Variants in KIF1B observed in about 807,000 individuals in gnomAD.
KIF1B encodes the protein kinesin-like protein KIF1B.
A neutral mutation model predicts 241.9 loss-of-function variants in KIF1B; 76 were observed. That is an observed-to-expected ratio of 0.31 (90% confidence interval 0.26 to 0.38). The LOEUF is 0.38. Among genes scored for constraint, KIF1B ranks in the 10% least tolerant of loss-of-function variants. The pLI is 1.00. For missense variants in KIF1B, 1,622 were observed against 2,271.4 expected, an observed-to-expected ratio of 0.71 and a Z score of 5.81; for synonymous variants, 750 against 796.7, an observed-to-expected ratio of 0.94 and a Z score of 0.99.
Position 10,374,247 on chromosome 1 carries a change from T to C in KIF1B, c.4947-69T>C. On this transcript the variant is annotated intron_variant, in intron 45 of 48. Coordinates refer to ENST00000676179, the MANE Select transcript of KIF1B (RefSeq NM_001365951.3). This position sits in a 1 kb window ranked among gnomAD's most constrained non-coding sequence, Gnocchi z 4.3. ...CATTGTGTTCCTCCCAGTGAAACAGTACTCAGTATGCCTTGATTGTAACTG... is the reference window on the plus strand; with the variant it reads ...CATTGTGTTCCTCCCAGTGAAACAGCACTCAGTATGCCTTGATTGTAACTG... 6.6e-7 allele frequency: 1 copy of C among 1,510,662 alleles called. No homozygotes were observed. The highest frequency in any genetic ancestry group is 2.3e-5 in the East Asian group (1 of 44,380). 93.6% of individuals were successfully genotyped at this position (1,510,662 alleles called of 1,614,324 possible). A position where few individuals can be genotyped will look rare whatever the true frequency, so the allele number is the denominator to read the frequency against.
Position 10,334,635 on chromosome 1 carries a change from G to T in KIF1B, c.3040G>T (p.Ala1014Ser), listed in dbSNP as rs772779601. The T allele has an allele frequency of 4.3e-6, 7 of 1,609,914 alleles. No individual in the cohort carries two copies. The highest frequency in any genetic ancestry group is 6.0e-6 in the Non-Finnish European group (7 of 1,176,404). ...TCTGCGTGTGGCTGTACAGGCCATC[G>T]CAGGTAGGTGACCCTCTTCTGAAAT... The part of the protein sequence containing the change: ...GFLRVAVQAI[A>S]ADEEAPDYGS... Residue 1014 changes from alanine to serine, a missense_variant, in exon 28 of 49, where the codon GCA becomes TCA. Physicochemically the swap from Ala to Ser is moderately conservative, Grantham distance 99 (BLOSUM62 1). This residue lies in a region of KIF1B where 803 missense variants were observed against 1,112.0 expected (regional missense o/e 0.72). Transcript: ENST00000676179.
intron 22 of KIF1B, among the ~76,000 whole-genome samples, chr1:10,299,996 G>A (rs1650457897): frequency 6.6e-6 from 1 of 152,032 alleles, no homozygotes; most frequent in Non-Finnish European, 1.5e-5. Context: ...CAGCACTTTG[G>A]GAGGCCAGGG....
intron 10 of KIF1B, among the ~76,000 whole-genome samples, chr1:10,275,158 A>G (rs1649031472): frequency 6.6e-6 from 1 of 152,224 alleles, no homozygotes; most frequent in African/African-American, 2.4e-5. Context: ...TAATGGTTGA[A>G]GCTGCACGTT....
At chr1:10,260,177 A>C (rs1344365237) in intron 4 of KIF1B, among the ~76,000 whole-genome samples, 5 of 152,212 alleles carry the variant, frequency 3.3e-5, no homozygotes, top group Non-Finnish European at 4.4e-5. Flanking sequence ...CCAAGGCTAT[A>C]AACTTGTGTA....
intron 2 of KIF1B, among the ~76,000 whole-genome samples, chr1:10,253,296 G>A (rs1344348784): frequency 6.6e-6 from 1 of 152,090 alleles, no homozygotes; most frequent in African/African-American, 2.4e-5. Flanking sequence ...TTATCTATCT[G>A]TAAAATGGGG....
rs551460889 is a variant in KIF1B at position 10,288,665 on chromosome 1, C to G, written c.1435-2417C>G. ...CAGGTTCCTTCTTTAATCTGTTTTG[C>G]TCTTTGCCTACCTTTGCTGGTTGTT... On this transcript the variant is annotated intron_variant, in intron 15 of 48. Coordinates refer to ENST00000676179, the MANE Select transcript of KIF1B (RefSeq NM_001365951.3). Among the ~76,000 whole-genome samples the G allele has an allele frequency of 3.3e-5, 5 of 152,068 alleles. No homozygotes were observed. In the East Asian group the frequency reaches 9.6e-4, roughly 29 times the overall value.
chr1:10,344,565 A>T (rs1652521140), intron 34 of KIF1B, among the ~76,000 whole-genome samples: 1 of 151,958 alleles, frequency 6.6e-6, no homozygotes, highest in African/African-American at 2.4e-5. Flanking sequence ...AATTTTGAAG[A>T]TTTTACTAGT....
At chr1:10,211,141 G>T (rs1243281365) in intron 1 of KIF1B, among the ~76,000 whole-genome samples, 2 of 152,184 alleles carry the variant, frequency 1.3e-5, no homozygotes, top group Non-Finnish European at 2.9e-5. Context: ...CGCGCTGCCA[G>T]GCCCCGGCTG....
chr1:10,364,353 C>T (rs2102348827), intron 41 of KIF1B, among the ~76,000 whole-genome samples: 1 of 151,896 alleles, frequency 6.6e-6, no homozygotes, highest in South Asian at 2.1e-4. Flanking sequence ...TGCAAGCACC[C>T]ACCACCATGC....
intron 1 of KIF1B, among the ~76,000 whole-genome samples, chr1:10,230,582 T>C (rs7524908): frequency 0.61 from 92,180 of 151,662 alleles, 30,229 homozygotes; most frequent in African/African-American, 0.87. Flanking sequence ...ATTACAGGTG[T>C]GTGCCACCAC....
At chr1:10,348,777 A>AG in intron 37 of KIF1B, 44 bp downstream of exon 37, 2 of 1,489,810 alleles carry the variant, frequency 1.3e-6, no homozygotes, top group Non-Finnish European at 1.9e-6. Context: ...GGACTTACAG[A>AG]GATTTTTTTT....
At chr1:10,361,633 A>G in intron 39 of KIF1B, 59 bp from the exon 40 acceptor site, 1 of 1,605,004 alleles carries the variant, frequency 6.2e-7, no homozygotes, top group Non-Finnish European at 8.5e-7. Flanking sequence ...GTTCGTGTAT[A>G]GACTCTAGTC....
intron 1 of KIF1B, among the ~76,000 whole-genome samples, chr1:10,224,015 C>T (rs1646879461): frequency 6.6e-6 from 1 of 152,192 alleles, no homozygotes; most frequent in Admixed American, 6.6e-5. Flanking sequence ...GTTGCCTAGG[C>T]TGGTCTTGAA....
In KIF1B at chr1:10,210,620, C is replaced by T. The variant is rs893452630; in HGVS notation, c.-338C>T. 7.9e-5 allele frequency among the ~76,000 whole-genome samples: 12 copies of T among 151,620 alleles called. No individual in the cohort carries two copies. The highest frequency in any genetic ancestry group is 1.8e-4 in the Non-Finnish European group (12 of 67,810). On this transcript the variant is annotated 5_prime_UTR_variant, in exon 1 of 49. Coordinates refer to ENST00000676179, the MANE Select transcript of KIF1B (RefSeq NM_001365951.3). The surrounding 1 kb of genome is among the most constrained non-coding windows in gnomAD (Gnocchi z 4.1). ...GCGCCCGCGCGCGTCGGAGCAGCTC[C>T]CCGTCCTCCGCAGCCGTCACCGCCG...
At chr1:10,319,703 T>C (rs1284582017) in intron 22 of KIF1B, among the ~76,000 whole-genome samples, 1 of 152,208 alleles carries the variant, frequency 6.6e-6, no homozygotes, top group Admixed American at 6.5e-5. Context: ...TACTTGAATA[T>C]ATTCTAACGC....
At position 10,351,666 on chromosome 1, in the gene KIF1B, G is replaced by T. The variant is rs190128469; in HGVS notation, c.3950-965G>T. On this transcript the variant is annotated intron_variant, in intron 37 of 48. Transcript: ENST00000676179. ...GTGTAGGATTTTGAGCAAGAAAGGG[G>T]TGTAATAAAGTCAGCATGGCCAGGT... Among the ~76,000 whole-genome samples, 38 of 152,188 alleles carry T rather than the reference G, an allele frequency of 2.5e-4. 1 individual carries two copies. In the East Asian group the frequency reaches 4.2e-3, roughly 17 times the overall value.
chr1:10,343,084 C>T (rs1363207595), intron 33 of KIF1B, 148 bp from the exon 34 acceptor site: 8 of 789,646 alleles, frequency 1.0e-5, no homozygotes, highest in African/African-American at 3.4e-5. Context: ...GCCTTCTGTA[C>T]TGTCACAGAA....
chr1:10,350,992 G>T (rs1652771380), intron 37 of KIF1B, among the ~76,000 whole-genome samples: 1 of 151,102 alleles, frequency 6.6e-6, no homozygotes. Flanking sequence ...GGAGGCTGAG[G>T]CTGGAAGCTT....
At chr1:10,256,382 G>A (rs1477988930) in intron 3 of KIF1B, 59 bp downstream of exon 3, 7 of 1,200,430 alleles carry the variant, frequency 5.8e-6, no homozygotes, top group African/African-American at 1.5e-5. Flanking sequence ...TTTCCTTGCC[G>A]ATTTGTCTTT....
Sources: gnomAD v4.1 joint callset for allele counts (sites outside exome capture counted in the v4.1 genomes callset) on GRCh38, gnomAD v4.1.1 for gene constraint, gnomAD v4.1.1 regional missense constraint, Gnocchi (gnomAD v3.1) non-coding constraint, MANE v1.5 for transcripts, NCBI Gene and HGNC (gene_info 2026-07-23, HGNC 2026-07-21) for gene names.